Variants in PRKAG2 observed in about 807,000 individuals in gnomAD.
PRKAG2 encodes protein kinase AMP-activated non-catalytic subunit gamma 2, also known as 5'-AMP-activated protein kinase subunit gamma-2.
PRKAG2 carries 26 observed loss-of-function variants against 69.6 expected under a neutral mutation model. That is an observed-to-expected ratio of 0.37 (90% CI 0.27 to 0.52). The LOEUF (loss-of-function observed/expected upper bound fraction) is 0.52. Among genes scored for constraint, PRKAG2 ranks in the 20% least tolerant of loss-of-function variants. The pLI is 0.90. For missense variants in PRKAG2, 557 were observed against 740.0 expected (o/e 0.75, Z 2.87); for synonymous variants, 293 against 285.0 (o/e 1.03, Z -0.28).
intron 1 of PRKAG2, among the ~76,000 whole-genome samples, chr7:151,867,021 C>T (rs2080096399): frequency 6.6e-6 from 1 of 152,124 alleles, no homozygotes; most frequent in East Asian, 1.9e-4. Flanking sequence ...TTCTCACAGC[C>T]CCTCCACACT....
Position 151,784,547 on chromosome 7 carries a change from G to T in PRKAG2, c.186+1923C>A, listed in dbSNP as rs375331371. On this transcript the variant is annotated intron_variant, in intron 2 of 15. Coordinates refer to ENST00000287878, the MANE Select transcript of PRKAG2 (RefSeq NM_016203.4). ...TTCAGAGACGCAGTGACAGGGCCGG[G>T]GAGGTGTCCAGTGCCCAGAGACAGA... 1.8e-4 allele frequency among the ~76,000 whole-genome samples: 27 copies of T among 152,290 alleles called. 2 individuals are homozygous for T. The South Asian group carries it at 5.0e-3, about 28-fold the overall frequency.
intron 8 of PRKAG2, among the ~76,000 whole-genome samples, chr7:151,573,205 T>A (rs1271558191): frequency 6.6e-6 from 1 of 151,294 alleles, no homozygotes; most frequent in East Asian, 1.9e-4. Flanking sequence ...TCATCCGGGC[T>A]GGAGTGCACA....
chr7:151,696,871 T>A (rs991014811), intron 3 of PRKAG2, among the ~76,000 whole-genome samples: 27 of 151,702 alleles, frequency 1.8e-4, no homozygotes, highest in African/African-American at 5.6e-4. Context: ...CCTGTGGAGC[T>A]GGCAGCAGCA....
chr7:151,818,807 G>A (rs1302181654), intron 1 of PRKAG2, among the ~76,000 whole-genome samples: 1 of 152,248 alleles, frequency 6.6e-6, no homozygotes, highest in Non-Finnish European at 1.5e-5. Flanking sequence ...GCTGGGGCCA[G>A]CATTTGAGAT....
rs1796758670 is a variant in PRKAG2 at position 151,719,834 on chromosome 7, C to G, written c.467-44197G>C. ...GCCAGGCAGCCTGTAAGTTGGGGCTCCAAGTAACGCCTTCCCTGGCCCCTG... is the reference window on the plus strand; with the variant it reads ...GCCAGGCAGCCTGTAAGTTGGGGCTGCAAGTAACGCCTTCCCTGGCCCCTG... On this transcript the variant is annotated intron_variant, in intron 3 of 15. Transcript: ENST00000287878. This position sits in a 1 kb window ranked among gnomAD's most constrained non-coding sequence, Gnocchi z 5.2. Among the ~76,000 whole-genome samples the G allele has an allele frequency of 2.0e-5, 3 of 151,976 alleles. No homozygotes were observed. Among genetic ancestry groups the G allele is most frequent in the Non-Finnish European group, 4.4e-5 (3 of 67,968 alleles).
At chr7:151,752,978 G>T (rs545132595) in intron 3 of PRKAG2, among the ~76,000 whole-genome samples, 2 of 152,052 alleles carry the variant, frequency 1.3e-5, no homozygotes, top group East Asian at 4.0e-4. Flanking sequence ...CGGCCGCATC[G>T]GGTGACCCTG....
chr7:151,859,313 G>A (rs1450485621), intron 1 of PRKAG2, among the ~76,000 whole-genome samples: 2 of 152,352 alleles, frequency 1.3e-5, no homozygotes, highest in East Asian at 1.9e-4. Context: ...ACACGGTAGC[G>A]AAGGCGGAAA....
chr7:151,753,918 C>A (rs1341566805), intron 3 of PRKAG2, among the ~76,000 whole-genome samples: 1 of 152,122 alleles, frequency 6.6e-6, no homozygotes, highest in Non-Finnish European at 1.5e-5. Context: ...CCTGTAGTCG[C>A]AGCTACTCAG....
At chr7:151,770,297 T>C (rs1375262245) in intron 3 of PRKAG2, among the ~76,000 whole-genome samples, 3 of 152,316 alleles carry the variant, frequency 2.0e-5, no homozygotes, top group Admixed American at 6.5e-5. Flanking sequence ...CTCTGACATA[T>C]AGGGCCTACT....
At chr7:151,816,511 C>T (rs1210070264) in intron 1 of PRKAG2, among the ~76,000 whole-genome samples, 1 of 152,192 alleles carries the variant, frequency 6.6e-6, no homozygotes, top group Non-Finnish European at 1.5e-5. Flanking sequence ...TTGCTCTGCA[C>T]ACCTCCCAGG....
At chr7:151,676,496 A>G (rs1382547554) in intron 3 of PRKAG2, among the ~76,000 whole-genome samples, 1 of 152,204 alleles carries the variant, frequency 6.6e-6, no homozygotes, top group African/African-American at 2.4e-5. Flanking sequence ...GGAGGATTGT[A>G]GGAAGACTGG....
chr7:151,743,851 C>T (rs1178599368), intron 3 of PRKAG2, among the ~76,000 whole-genome samples: 1 of 152,198 alleles, frequency 6.6e-6, no homozygotes, highest in Non-Finnish European at 1.5e-5. Flanking sequence ...CTCGGCAGGG[C>T]TCCAGGCTTG....
intron 1 of PRKAG2, among the ~76,000 whole-genome samples, chr7:151,860,056 G>T (rs187078763): frequency 4.4e-4 from 67 of 152,324 alleles, no homozygotes; most frequent in Middle Eastern, 6.8e-3. Flanking sequence ...GCTGTAGCAG[G>T]TATCACAGAA....
At chr7:151,838,952 T>C (rs1207944519) in intron 1 of PRKAG2, among the ~76,000 whole-genome samples, 2 of 147,462 alleles carry the variant, frequency 1.4e-5, no homozygotes, top group African/African-American at 5.0e-5. Flanking sequence ...AAGGCAGAGG[T>C]TGTAGTGTGC....
intron 1 of PRKAG2, chr7:151,809,899 T>C (rs4530949): frequency 0.82 from 124,320 of 152,066 alleles, 51,264 homozygotes; most frequent in African/African-American, 0.91. Flanking sequence ...GCTACGGTTT[T>C]GGGAAAGTGC....
rs80045144 is a variant in PRKAG2 at position 151,558,552 on chromosome 7, C to T, written c.1679-1320G>A. ...GTGGGACAGCTGGGACTTGGCCTCA[C>T]GGTGGGGGCCTCCTCACTTGCGATT... On this transcript the variant is annotated intron_variant, in intron 15 of 15. Transcript: ENST00000287878. The T allele has an allele frequency of 0.015, 13,465 of 921,178 alleles. 1,374 individuals are homozygous for T. In the African/African-American group the frequency reaches 0.22, roughly 15 times the overall value. The allele number at this position is 921,178 out of a possible 1,614,324, so 57.1% of individuals were successfully genotyped here.
intron 1 of PRKAG2, among the ~76,000 whole-genome samples, chr7:151,858,930 G>A (rs6962881): frequency 0.16 from 24,096 of 152,104 alleles, 2,148 homozygotes; most frequent in South Asian, 0.24. Context: ...CTCGCCCCTA[G>A]GAGGCCCCTC....
chr7:151,866,189 C>T (rs920769045), intron 1 of PRKAG2, among the ~76,000 whole-genome samples: 8 of 152,098 alleles, frequency 5.3e-5, no homozygotes, highest in East Asian at 1.9e-4. Flanking sequence ...CAGCAGACGC[C>T]GCCCTCTCTG....
At position 151,756,896 on chromosome 7, in the gene PRKAG2, C is replaced by A. The variant is rs2075128016; in HGVS notation, c.466+24256G>T. Among the ~76,000 whole-genome samples, 1 of 152,176 alleles carries A rather than the reference C, an allele frequency of 6.6e-6. No individual in the cohort carries two copies. The highest frequency in any genetic ancestry group is 1.5e-5 in the Non-Finnish European group (1 of 68,030). On this transcript the variant is annotated intron_variant, in intron 3 of 15. Coordinates refer to ENST00000287878, the MANE Select transcript of PRKAG2 (RefSeq NM_016203.4). This position sits in a 1 kb window ranked among gnomAD's most constrained non-coding sequence, Gnocchi z 4.9. ...AACCCTCTTCCAGGTAGGACCCGGG[C>A]TGACAGCTGAGCTAGGGCCATCTGC...
Sources: allele counts gnomAD v4.1 joint callset (sites outside exome capture counted in the v4.1 genomes callset), GRCh38; gene constraint gnomAD v4.1.1; non-coding constraint Gnocchi (gnomAD v3.1); transcripts MANE v1.5; gene names NCBI Gene and HGNC (gene_info 2026-07-23, HGNC 2026-07-21).